OPN3: variants seen among roughly 807,000 people sequenced by gnomAD.
The protein encoded by OPN3 is opsin-3.
In OPN3, 29 loss-of-function variants were observed where a neutral mutation model predicts 33.8. That is an observed-to-expected ratio of 0.86 (90% CI 0.64 to 1.17). OPN3 has a LOEUF of 1.17. Among genes scored for constraint, OPN3 ranks in the 50% most tolerant of loss-of-function variants. The pLI, the probability that OPN3 is intolerant of heterozygous loss-of-function variation, is 0.00. For synonymous variants in OPN3, 216 were observed against 216.1 expected, an observed-to-expected ratio of 1.00 and a Z score of 0.00; for missense variants, 437 against 514.1, an observed-to-expected ratio of 0.85 and a Z score of 1.45.
intron 1 of OPN3, chr1:241,635,559 C>T: frequency 6.2e-7 from 1 of 1,614,096 alleles, no homozygotes; most frequent in Admixed American, 1.7e-5. Context: ...GTACTTTCTT[C>T]CCCAATGTCA....
chr1:241,611,148 A>C (rs1403060905), intron 1 of OPN3, among the ~76,000 whole-genome samples: 2 of 152,178 alleles, frequency 1.3e-5, no homozygotes, highest in Non-Finnish European at 2.9e-5. Flanking sequence ...TTATCAATAT[A>C]CAACTACCCA....
intron 1 of OPN3, chr1:241,635,263 T>A: frequency 6.2e-7 from 1 of 1,614,010 alleles, no homozygotes; most frequent in Non-Finnish European, 8.5e-7. Flanking sequence ...CATCAGTTAC[T>A]TCTAGTGAAA....
chr1:241,604,897 A>G (rs931324373), intron 1 of OPN3, among the ~76,000 whole-genome samples: 1 of 151,824 alleles, frequency 6.6e-6, no homozygotes, highest in African/African-American at 2.4e-5. Context: ...TTTACAAAAG[A>G]TACAAAAATT....
intron 1 of OPN3, among the ~76,000 whole-genome samples, chr1:241,621,186 T>A (rs542992213): frequency 2.6e-5 from 4 of 152,326 alleles, no homozygotes; most frequent in South Asian, 4.1e-4. Flanking sequence ...ACATGGACCC[T>A]TATTGTATTA....
At chr1:241,598,044 G>A (rs1663581680) in intron 2 of OPN3, 47 bp from the exon 3 acceptor site, 1 of 1,581,222 alleles carries the variant, frequency 6.3e-7, no homozygotes, top group Non-Finnish European at 8.6e-7. Context: ...ACAAAAGAAG[G>A]GTTTCTTTTG....
At chr1:241,611,633 A>G (rs1399216325) in intron 1 of OPN3, among the ~76,000 whole-genome samples, 1 of 152,220 alleles carries the variant, frequency 6.6e-6, no homozygotes, top group Non-Finnish European at 1.5e-5. Context: ...AAATAATTCA[A>G]AATGGTAGGA....
chr1:241,599,926 T>G (rs1039295745), intron 2 of OPN3, among the ~76,000 whole-genome samples: 1 of 152,236 alleles, frequency 6.6e-6, no homozygotes, highest in Non-Finnish European at 1.5e-5. Flanking sequence ...CACACTTGTA[T>G]GTATATGTAC....
intron 1 of OPN3, among the ~76,000 whole-genome samples, chr1:241,636,369 A>G (rs1210689207): frequency 6.6e-6 from 1 of 152,372 alleles, no homozygotes; most frequent in East Asian, 1.9e-4. Context: ...TAAGAAAACT[A>G]TCATGTGAAT....
chr1:241,595,535 A>G (rs986598365), intron 3 of OPN3: 1 of 152,244 alleles, frequency 6.6e-6, no homozygotes, highest in South Asian at 2.1e-4. Context: ...TAAAACATAA[A>G]TCAAAAGTTA....
chr1:241,632,325 GGT>G (rs1299743778), intron 1 of OPN3: 1 of 152,176 alleles, frequency 6.6e-6, no homozygotes, highest in African/African-American at 2.4e-5. Context: ...TACCATCTCA[GGT>G]GTGTCTTTAT....
chr1:241,634,623 G>C, intron 1 of OPN3: 3 of 1,613,810 alleles, frequency 1.9e-6, no homozygotes, highest in Non-Finnish European at 2.5e-6. Flanking sequence ...ATTTCTCCTT[G>C]GCCATACAAG....
At position 241,594,346 on chromosome 1, in the gene OPN3, G is replaced by C. The variant is rs141487943; in HGVS notation, c.*82C>G. 3.9e-5 allele frequency: 56 copies of C among 1,429,758 alleles called. No homozygotes were observed. The East Asian group carries it at 1.1e-3, about 29-fold the overall frequency. The allele number at this position is 1,429,758 out of a possible 1,614,324, so 88.6% of individuals were successfully genotyped here. On this transcript the variant is annotated 3_prime_UTR_variant, in exon 4 of 4. Coordinates refer to ENST00000366554, the MANE Select transcript of OPN3 (RefSeq NM_014322.3). Reference sequence around the variant, plus strand: ...GGTTCTGTTGATATTACATAGAACGGGTATTCCAGACACTTCTTATGATGA... The same window carrying C: ...GGTTCTGTTGATATTACATAGAACGCGTATTCCAGACACTTCTTATGATGA...
At chr1:241,596,298 T>C (rs1484037816) in intron 3 of OPN3, among the ~76,000 whole-genome samples, 1 of 152,234 alleles carries the variant, frequency 6.6e-6, no homozygotes, top group Non-Finnish European at 1.5e-5. Flanking sequence ...AAAATTCATA[T>C]GTGTGCATAC....
chr1:241,615,615 T>C (rs149974378), intron 1 of OPN3, among the ~76,000 whole-genome samples: 72 of 152,326 alleles, frequency 4.7e-4, no homozygotes, highest in South Asian at 1.5e-3. Context: ...ATGACTGCTG[T>C]CAGCCATCTA....
chr1:241,631,383 C>T (rs1664626944), intron 1 of OPN3: 1 of 151,906 alleles, frequency 6.6e-6, no homozygotes, highest in South Asian at 2.1e-4. Context: ...ATACCTTCAC[C>T]TTCATTTTAT....
intron 3 of OPN3, chr1:241,595,639 G>C (rs1475938989): frequency 1.3e-5 from 2 of 152,074 alleles, no homozygotes; most frequent in African/African-American, 4.8e-5. Flanking sequence ...ATAATAAATA[G>C]CTACATTGAT....
At chr1:241,633,552 C>T in intron 1 of OPN3, 2 of 496,310 alleles carry the variant, frequency 4.0e-6, no homozygotes, top group East Asian at 3.8e-5. Flanking sequence ...ATAAAGCTAA[C>T]TCTGTTTTAA....
intron 2 of OPN3, among the ~76,000 whole-genome samples, chr1:241,598,643 C>T (rs893603682): frequency 6.6e-6 from 1 of 152,178 alleles, no homozygotes; most frequent in African/African-American, 2.4e-5. Flanking sequence ...CCTGTCTACT[C>T]GCAGTCTGTT....
Position 241,619,269 on chromosome 1 carries a change from G to A in OPN3, c.374-14690C>T, listed in dbSNP as rs927922966. Among the ~76,000 whole-genome samples, 39 of 152,172 alleles carry A rather than the reference G, an allele frequency of 2.6e-4. 1 individual carries two copies. The highest frequency in any genetic ancestry group is 6.5e-4 in the African/African-American group (27 of 41,496). On this transcript the variant is annotated intron_variant, in intron 1 of 3. Transcript: ENST00000366554. The stretch of plus-strand genomic sequence containing the variant: ...CATAAGAACTGAACCATTCATTTGC[G>A]TTAACATTTCACAAAACAGTACTGC...
Sources: gnomAD v4.1 joint callset for allele counts (sites outside exome capture counted in the v4.1 genomes callset) on GRCh38, gnomAD v4.1.1 for gene constraint, MANE v1.5 for transcripts, NCBI Gene and HGNC (gene_info 2026-07-23, HGNC 2026-07-21) for gene names.